The following CCDC201 variants were observed in gnomAD, a reference collection of about 807,000 sequenced individuals.
CCDC201 encodes the protein coiled-coil domain containing 201.
At chr7:45,869,782 G>A (rs1186435246) in intron 1 of CCDC201, among the ~76,000 whole-genome samples, 1 of 151,800 alleles carries the variant, frequency 6.6e-6, no homozygotes, top group Non-Finnish European at 1.5e-5. Context: ...GTACAGGCAA[G>A]CTGGAAAACT....
the CCDC201 span, among the ~76,000 whole-genome samples, chr7:45,878,647 A>T: frequency 6.6e-6 from 1 of 152,236 alleles, no homozygotes; most frequent in Non-Finnish European, 1.5e-5. Flanking sequence ...GGCTGTATAG[A>T]GCAGCAGGGC....
At chr7:45,864,814 T>C (rs1008177111) in intron 2 of CCDC201, among the ~76,000 whole-genome samples, 3 of 151,070 alleles carry the variant, frequency 2.0e-5, no homozygotes, top group Non-Finnish European at 4.4e-5. Context: ...AAATAGCAAA[T>C]AGAAAAGAAA....
At chr7:45,866,638 G>T (rs1786675359) in intron 1 of CCDC201, 144 bp from the exon 2 acceptor site, 1 of 152,276 alleles carries the variant, frequency 6.6e-6, no homozygotes, top group African/African-American at 2.4e-5. Context: ...AGAGGGGAGT[G>T]TGCAGAACCC....
rs577393570 is a variant in CCDC201 at position 45,869,056 on chromosome 7, TTGACGATTTCTCATGTCAC to T, written c.19-2581_19-2563del. The stretch of plus-strand genomic sequence containing the variant: ...CATTGTTACATAGTTTTCCACATCC[TTGACGATTTCTCATGTCAC>T]TGACTCTTTTGAACAAAACATGCAC... On this transcript the variant is annotated intron_variant, in intron 1 of 2. Transcript: ENST00000636578. 3.9e-3 allele frequency among the ~76,000 whole-genome samples: 600 copies of T among 152,350 alleles called. 4 individuals carry two copies. The highest frequency in any genetic ancestry group is 0.014 in the African/African-American group (568 of 41,580).
intron 1 of CCDC201, among the ~76,000 whole-genome samples, chr7:45,866,962 C>T (rs753990281): frequency 1.1e-4 from 16 of 152,184 alleles, no homozygotes; most frequent in Non-Finnish European, 2.1e-4. Context: ...GCAGTAGGTG[C>T]TGTGTGCCCT....
chr7:45,876,072 A>G (rs1427077867), upstream of CCDC201, among the ~76,000 whole-genome samples: 1 of 152,164 alleles, frequency 6.6e-6, no homozygotes, highest in Non-Finnish European at 1.5e-5. Flanking sequence ...CTGGGAGAGT[A>G]TGCTGGGGAG....
At chr7:45,875,761 G>A (rs1352770218), upstream of CCDC201, among the ~76,000 whole-genome samples, 2 of 128,128 alleles carry the variant, frequency 1.6e-5, no homozygotes, top group East Asian at 2.5e-4. Flanking sequence ...TCCTGCTCAG[G>A]TCTCTCTTCC....
upstream of CCDC201, among the ~76,000 whole-genome samples, chr7:45,876,426 A>T (rs986496153): frequency 1.3e-5 from 2 of 152,208 alleles, no homozygotes; most frequent in Non-Finnish European, 2.9e-5. Context: ...GCCCAAGATC[A>T]CAGAGCTGCC....
chr7:45,883,501 G>A, the CCDC201 span, among the ~76,000 whole-genome samples: 1 of 152,104 alleles, frequency 6.6e-6, no homozygotes, highest in East Asian at 1.9e-4. Flanking sequence ...AGGCCAGAAT[G>A]GTCCTCAACC....
chr7:45,871,457 TAA>T (rs777334904), intron 1 of CCDC201, among the ~76,000 whole-genome samples: 4 of 152,178 alleles, frequency 2.6e-5, no homozygotes, highest in Non-Finnish European at 5.9e-5. Context: ...CCAAGTGGAT[TAA>T]AGACTTACAT....
intron 1 of CCDC201, among the ~76,000 whole-genome samples, chr7:45,869,819 A>ATTT (rs113136055): frequency 7.8e-5 from 11 of 140,792 alleles, no homozygotes; most frequent in Non-Finnish European, 3.1e-5. Context: ...GTTGCTCCAC[A>ATTT]TTTTTTTTTT....
At chr7:45,872,254 A>G (rs546863831) in intron 1 of CCDC201, among the ~76,000 whole-genome samples, 70 of 152,210 alleles carry the variant, frequency 4.6e-4, no homozygotes, top group Non-Finnish European at 6.9e-4. Context: ...GAAACTAGGA[A>G]TGGGGTGCCC....
the CCDC201 span, among the ~76,000 whole-genome samples, chr7:45,884,881 TC>T: frequency 6.6e-6 from 1 of 151,808 alleles, no homozygotes; most frequent in Non-Finnish European, 1.5e-5. Context: ...ATCACTCCTT[TC>T]CCCCACACCT....
chr7:45,871,878 A>C lies in CCDC201; in HGVS notation c.18+1112T>G, dbSNP rs140326138. Among the ~76,000 whole-genome samples the C allele has an allele frequency of 9.0e-3, 1,369 of 152,346 alleles. 10 individuals are homozygous for C. Among genetic ancestry groups the C allele is most frequent in the Middle Eastern group, 0.02 (6 of 294 alleles). On this transcript the variant is annotated intron_variant, in intron 1 of 2. Coordinates refer to ENST00000636578, the Ensembl canonical transcript of CCDC201. ...GGACTTCAAAAATTTAGAAGTATGA[A>C]AACTTTAGACAACACAAGGAGGAAA...
rs36043861 is a variant in CCDC201 at position 45,863,383 on chromosome 7, G to GA, written c.478-213dup. Among the ~76,000 whole-genome samples, 16 of 152,270 alleles carry GA rather than the reference G, an allele frequency of 1.1e-4. 1 individual carries two copies. In the East Asian group the frequency reaches 3.1e-3, roughly 29 times the overall value. ...GCCCACTCTTGGTGTGGAGACAGAC[G>GA]AGTGTATAGGTGAATGGGGTAAGGT... On this transcript the variant is annotated intron_variant, in intron 2 of 2. Transcript: ENST00000636578.
chr7:45,876,533 G>A (rs1366805377), upstream of CCDC201, among the ~76,000 whole-genome samples: 3 of 152,152 alleles, frequency 2.0e-5, no homozygotes, highest in African/African-American at 7.2e-5. Context: ...CCCCAGAGTT[G>A]CCTCCTCACT....
chr7:45,877,134 A>G (rs1010921539), upstream of CCDC201, among the ~76,000 whole-genome samples: 17 of 152,180 alleles, frequency 1.1e-4, no homozygotes, highest in African/African-American at 4.1e-4. Flanking sequence ...AAAATCCTCA[A>G]GACAGTGTGT....
the CCDC201 span, among the ~76,000 whole-genome samples, chr7:45,883,104 A>T: frequency 6.6e-6 from 1 of 152,162 alleles, no homozygotes; most frequent in East Asian, 1.9e-4. Flanking sequence ...TTTATGAAAC[A>T]CTAGCTCCCC....
the CCDC201 span, among the ~76,000 whole-genome samples, chr7:45,883,654 A>T: frequency 6.6e-6 from 1 of 152,108 alleles, no homozygotes; most frequent in Non-Finnish European, 1.5e-5. Flanking sequence ...GACTTTTCTT[A>T]TCTGTCTCTA....
Sources: allele counts gnomAD v4.1 joint callset (sites outside exome capture counted in the v4.1 genomes callset), GRCh38; gene constraint gnomAD v4.1.1; transcripts MANE v1.5; gene names NCBI Gene and HGNC (gene_info 2026-07-23, HGNC 2026-07-21).